The following VASP variants were observed in gnomAD, a reference collection of about 807,000 sequenced individuals.
The protein encoded by VASP is vasodilator stimulated phosphoprotein, also known as vasodilator-stimulated phosphoprotein.
VASP carries 27 observed loss-of-function variants against 54.4 expected under a neutral mutation model. The ratio of observed to expected loss-of-function variants is 0.50; its 90% confidence interval spans 0.37 to 0.68. The LOEUF (loss-of-function observed/expected upper bound fraction) is 0.68, where lower values mean the gene tolerates loss of function less well. Among genes scored for constraint, VASP ranks in the 30% least tolerant of loss-of-function variants. The probability of loss-of-function intolerance (pLI) is 0.00; values close to 1 mark genes in which losing one functional copy is unlikely to be tolerated. For missense variants in VASP, 488 were observed against 528.3 expected, an observed-to-expected ratio of 0.92 and a Z score of 0.75; for synonymous variants, 233 against 209.8, an observed-to-expected ratio of 1.11 and a Z score of -0.96.
intron 2 of VASP, 21 bp downstream of exon 2, chr19:45,517,855 C>G (rs1225726515): frequency 8.1e-6 from 13 of 1,610,780 alleles, no homozygotes; most frequent in South Asian, 3.3e-5. Context: ...CCGCCGGCCC[C>G]CTCTGTGGGC....
At chr19:45,520,103 TG>T (rs1420561126) in intron 3 of VASP, among the ~76,000 whole-genome samples, 1 of 151,830 alleles carries the variant, frequency 6.6e-6, no homozygotes. Context: ...GGTTTCGCAG[TG>T]TTGGCCAGGC....
intron 1 of VASP, among the ~76,000 whole-genome samples, chr19:45,508,498 C>T (rs2239377): frequency 4.6e-5 from 7 of 152,104 alleles, no homozygotes; most frequent in African/African-American, 1.2e-4. Flanking sequence ...TCCCCGCCTC[C>T]GGCCATAAGG....
chr19:45,510,008 G>C (rs756474567), intron 1 of VASP, among the ~76,000 whole-genome samples: 26 of 152,156 alleles, frequency 1.7e-4, no homozygotes, highest in Non-Finnish European at 3.1e-4. Flanking sequence ...TGTTGGCTGT[G>C]TCCGGGACTG....
At chr19:45,510,363 C>G (rs1222712781) in intron 1 of VASP, among the ~76,000 whole-genome samples, 1 of 152,058 alleles carries the variant, frequency 6.6e-6, no homozygotes, top group Non-Finnish European at 1.5e-5. Context: ...GTAGCTGGGA[C>G]TACAGGTGCC....
Position 45,524,617 on chromosome 19 carries a change from C to G in VASP, c.1004C>G (p.Thr335Arg), listed in dbSNP as rs751510202. The change falls in exon 11 of 13, where the codon ACG becomes AGG. Residue 335 changes from threonine to arginine, a missense_variant. By Grantham distance (71) the Thr-to-Arg change is moderately conservative. Transcript: ENST00000245932. The part of the protein sequence containing the change: ...SVTTSETQPC[T>R]PSSSDYSDLQ... ...ACCACTTCCGAGACCCAACCCTGCA[C>G]GCCCAGCTCCAGTGATTACTCGGAC... The G allele has an allele frequency of 6.2e-7, 1 of 1,613,866 alleles. No homozygotes were observed.
At chr19:45,519,583 C>A (rs1158210416) in intron 3 of VASP, among the ~76,000 whole-genome samples, 1 of 151,188 alleles carries the variant, frequency 6.6e-6, no homozygotes. Context: ...AGCCACTACA[C>A]CCAGCCCAGT....
rs778694340 is a variant in VASP at position 45,517,801 on chromosome 19, C to T, written c.144C>T (p.Arg48=). Residue 48 remains arginine (R), a synonymous_variant, in exon 2 of 13, where the codon CGC becomes CGT. Coordinates refer to ENST00000245932, the MANE Select transcript of VASP (RefSeq NM_003370.4). ...ACAACCCCACGGCCAATTCCTTTCG[C>T]GTCGTGGGCCGGAAGATGCAGCCCG... is the stretch of plus-strand genomic sequence containing the variant. The part of the protein sequence containing the change: ...IYHNPTANSF[R]VVGRKMQPDQ... The T allele has an allele frequency of 5.0e-6, 8 of 1,613,716 alleles. No individual in the cohort carries two copies. Among genetic ancestry groups the T allele is most frequent in the South Asian group, 1.1e-5 (1 of 91,084 alleles).
At chr19:45,523,057 A>G (rs1192599661) in intron 7 of VASP, among the ~76,000 whole-genome samples, 2 of 152,086 alleles carry the variant, frequency 1.3e-5, no homozygotes, top group Non-Finnish European at 2.9e-5. Flanking sequence ...CCTGCCTCAG[A>G]ATTCTGGGAA....
At chr19:45,525,307 T>C (rs1176187782) in intron 11 of VASP, among the ~76,000 whole-genome samples, 1 of 152,132 alleles carries the variant, frequency 6.6e-6, no homozygotes, top group Non-Finnish European at 1.5e-5. Context: ...CTCATGCCTG[T>C]AATCCCAGCA....
At chr19:45,509,939 A>G (rs1035229695) in intron 1 of VASP, among the ~76,000 whole-genome samples, 3 of 152,130 alleles carry the variant, frequency 2.0e-5, no homozygotes, top group Non-Finnish European at 4.4e-5. Flanking sequence ...AGAGGATGTT[A>G]AGATGGAAAA....
At chr19:45,512,580 G>A (rs111631465) in intron 1 of VASP, among the ~76,000 whole-genome samples, 22,585 of 142,110 alleles carry the variant, frequency 0.16, 1,863 homozygotes, top group African/African-American at 0.23. Context: ...GAGCCACTGC[G>A]CCTAGCCTAC....
chr19:45,515,997 C>T (rs1035170087), intron 1 of VASP, among the ~76,000 whole-genome samples: 2 of 152,180 alleles, frequency 1.3e-5, no homozygotes, highest in Non-Finnish European at 2.9e-5. Flanking sequence ...GATTTGAACC[C>T]AGGTCTGGGG....
intron 1 of VASP, among the ~76,000 whole-genome samples, chr19:45,513,579 T>C (rs1397393992): frequency 3.3e-5 from 5 of 150,654 alleles, no homozygotes; most frequent in Non-Finnish European, 7.4e-5. Flanking sequence ...GTGATTCCCC[T>C]GCCTCAGCCT....
chr19:45,516,952 A>T (rs1379953715), intron 1 of VASP, among the ~76,000 whole-genome samples: 2 of 85,450 alleles, frequency 2.3e-5, no homozygotes, highest in Admixed American at 1.5e-4. Flanking sequence ...TGAGCCGAGG[A>T]CAGCCCGGGT....
At chr19:45,524,201 A>C in intron 10 of VASP, 59 bp downstream of exon 10, 5 of 1,600,484 alleles carry the variant, frequency 3.1e-6, no homozygotes, top group Middle Eastern at 2.2e-4. Flanking sequence ...GCTTGAGCCC[A>C]GGAGGTCAAG....
At position 45,507,579 on chromosome 19, in the gene VASP, G is replaced by A. The variant is rs1968510788; in HGVS notation, c.-193G>A. 5.1e-6 allele frequency: 3 copies of A among 588,828 alleles called. No individual in the cohort carries two copies. Among genetic ancestry groups the A allele is most frequent in the Non-Finnish European group, 8.5e-6 (3 of 352,840 alleles). 36.5% of individuals were successfully genotyped at this position (588,828 alleles called of 1,614,324 possible). ...TGCTGCAGGAACCTCTCATCAGACC[G>A]CCTGAGGGAAGCGGCGCCCGGAGAC... On this transcript the variant is annotated 5_prime_UTR_variant, in exon 1 of 13. Transcript: ENST00000245932. This position sits in a 1 kb window ranked among gnomAD's most constrained non-coding sequence, Gnocchi z 4.4.
At position 45,523,189 on chromosome 19, in the gene VASP, A is replaced by AT. The variant is rs1568390471; in HGVS notation, c.821+371_821+372insT. ...CTGATTCTAGAACCACAATCTCTTG[A>AT]ATTTTTTTTTTTTTTTTTTTTTTTT... On this transcript the variant is annotated intron_variant, in intron 7 of 12. Coordinates refer to ENST00000245932, the MANE Select transcript of VASP (RefSeq NM_003370.4). 6.9e-4 allele frequency among the ~76,000 whole-genome samples: 74 copies of AT among 106,990 alleles called. 4 individuals carry two copies. Among genetic ancestry groups the AT allele is most frequent in the South Asian group, 3.6e-3 (11 of 3,092 alleles). 70.2% of individuals were successfully genotyped at this position (106,990 alleles called of 152,430 possible). A position where few individuals can be genotyped will look rare whatever the true frequency, so the allele number is the denominator to read the frequency against.
At chr19:45,517,501 C>T (rs986954145) in intron 1 of VASP, among the ~76,000 whole-genome samples, 162 bp from the exon 2 acceptor site, 1 of 152,080 alleles carries the variant, frequency 6.6e-6, no homozygotes, top group Admixed American at 6.6e-5. Flanking sequence ...ATCTGATTTT[C>T]TCTCCTGATC....
At chr19:45,515,422 G>T (rs1049979136) in intron 1 of VASP, among the ~76,000 whole-genome samples, 6 of 152,176 alleles carry the variant, frequency 3.9e-5, no homozygotes, top group African/African-American at 9.7e-5. Flanking sequence ...TCCCAGAGGG[G>T]CTGGTGGGAG....
Sources: gnomAD v4.1 joint callset for allele counts (sites outside exome capture counted in the v4.1 genomes callset) on GRCh38, gnomAD v4.1.1 for gene constraint, Gnocchi (gnomAD v3.1) non-coding constraint, MANE v1.5 for transcripts, NCBI Gene and HGNC (gene_info 2026-07-23, HGNC 2026-07-21) for gene names.